The following NCOA1 variants were observed in gnomAD, a reference collection of about 807,000 sequenced individuals.
The protein encoded by NCOA1 is Hin-2 protein.
A neutral mutation model predicts 150.9 loss-of-function variants in NCOA1; 35 were observed. That is an observed-to-expected ratio of 0.23 (90% confidence interval 0.18 to 0.31). The LOEUF (loss-of-function observed/expected upper bound fraction) is 0.31, where lower values mean the gene tolerates loss of function less well. NCOA1 is among the 10% of genes least tolerant of loss of function. The pLI is 1.00. For missense variants in NCOA1, 1,491 were observed against 1,749.3 expected (o/e 0.85, Z 2.63); for synonymous variants, 590 against 630.0 (o/e 0.94, Z 0.95).
intron 3 of NCOA1, among the ~76,000 whole-genome samples, chr2:24,592,433 T>G (rs1318656772): frequency 6.6e-6 from 1 of 152,186 alleles, no homozygotes; most frequent in African/African-American, 2.4e-5. Context: ...CCTTCTGGGC[T>G]GAGAGATCAA....
Position 24,752,078 on chromosome 2 carries a change from T to C in NCOA1, c.3803T>C (p.Leu1268Pro). ...ATCCCTCCTCCTCAGAGTTCTCTTC[T>C]CCAGCAAACTCCACCTGCCTCCGGG... ...MPIPPPQSSL[L>P]QQTPPASGYQ... is the part of the protein sequence containing the mutation. Residue 1268 changes from leucine (L) to proline (P), a missense_variant, in exon 20 of 23, where the codon CTC (leucine) becomes CCC (proline). Transcript: ENST00000348332. 6.2e-7 allele frequency: 1 copy of C among 1,614,136 alleles called. No homozygotes were observed. The highest frequency in any genetic ancestry group is 2.2e-5 in the East Asian group (1 of 44,884).
Position 24,726,714 on chromosome 2 carries a change from A to G in NCOA1, c.2717+8A>G. 1.3e-6 allele frequency: 2 copies of G among 1,558,720 alleles called. No homozygotes were observed. Among genetic ancestry groups the G allele is most frequent in the Admixed American group, 1.8e-5 (1 of 55,248 alleles). ...TCAGAGTAAATCAGAAGAGTAAGTA[A>G]TACATTTTGTATTTTATAAGGTATC... is the stretch of plus-strand genomic sequence containing the variant. On this transcript the variant is annotated splice_region_variant and intron_variant, in intron 15 of 22. Coordinates refer to ENST00000348332, the MANE Select transcript of NCOA1 (RefSeq NM_003743.5).
At chr2:24,745,092 A>G (rs1663826638) in intron 19 of NCOA1, among the ~76,000 whole-genome samples, 1 of 152,132 alleles carries the variant, frequency 6.6e-6, no homozygotes, top group South Asian at 2.1e-4. Flanking sequence ...ACTTTTCTAG[A>G]CTACCATGCT....
rs143265792 is a variant in NCOA1, at chr2:24,578,812, A to G, written c.-259-5664A>G. ...AGTAAATAAAGAATAAAAAAAAGCT[A>G]TATTAGAGCTGCATTCACAATACTA... On this transcript the variant is annotated intron_variant, in intron 2 of 22. Coordinates refer to ENST00000348332, the MANE Select transcript of NCOA1 (RefSeq NM_003743.5). Among the ~76,000 whole-genome samples, 25 of 152,338 alleles carry G rather than the reference A, an allele frequency of 1.6e-4. No homozygotes were observed. The East Asian group carries it at 4.6e-3, about 28-fold the overall frequency.
intron 7 of NCOA1, among the ~76,000 whole-genome samples, chr2:24,680,016 T>C (rs1319345227): frequency 6.6e-6 from 1 of 152,208 alleles, no homozygotes; most frequent in Non-Finnish European, 1.5e-5. Flanking sequence ...TTCATTTATT[T>C]TAATATTTGG....
At chr2:24,716,623 T>G (rs191108162) in intron 14 of NCOA1, among the ~76,000 whole-genome samples, 1 of 152,302 alleles carries the variant, frequency 6.6e-6, no homozygotes, top group East Asian at 1.9e-4. Context: ...AAAAAGTCAT[T>G]GAGATAGACA....
intron 11 of NCOA1, among the ~76,000 whole-genome samples, chr2:24,699,136 C>G (rs1372395801): frequency 6.6e-6 from 1 of 152,170 alleles, no homozygotes; most frequent in African/African-American, 2.4e-5. Flanking sequence ...TTTCCTCTGG[C>G]AAGGGTGATG....
intron 3 of NCOA1, among the ~76,000 whole-genome samples, chr2:24,625,878 A>G (rs1426504641): frequency 6.6e-6 from 1 of 152,004 alleles, no homozygotes; most frequent in Non-Finnish European, 1.5e-5. Flanking sequence ...CAAACAGCAC[A>G]CTCTGAGAAG....
Position 24,707,483 on chromosome 2 carries a change from T to G in NCOA1, c.2013T>G (p.Ser671=). 1.2e-6 allele frequency: 2 copies of G among 1,614,198 alleles called. No homozygotes were observed. The highest frequency in any genetic ancestry group is 1.7e-6 in the Non-Finnish European group (2 of 1,180,030). ...TGTSNSASAN[S]SGGSCPSSHS... The stretch of plus-strand genomic sequence containing the variant: ...CTTCCAACTCTGCCTCTGCTAACTC[T>G]TCAGGAGGTTCTTGTCCCTCTTCTC... The change falls in exon 13 of 23, where the codon TCT becomes TCG. Residue 671 remains serine, a synonymous_variant. Coordinates refer to ENST00000348332, the MANE Select transcript of NCOA1 (RefSeq NM_003743.5).
intron 19 of NCOA1, among the ~76,000 whole-genome samples, chr2:24,744,759 G>A (rs1358344662): frequency 6.6e-6 from 1 of 152,094 alleles, no homozygotes; most frequent in East Asian, 1.9e-4. Flanking sequence ...CAGTTGTTTT[G>A]GTAAATAAAG....
At chr2:24,647,458 G>A (rs1348368959) in intron 4 of NCOA1, among the ~76,000 whole-genome samples, 1 of 152,020 alleles carries the variant, frequency 6.6e-6, no homozygotes, top group Admixed American at 6.6e-5. Context: ...GGTTTATGAG[G>A]GAATTAATTA....
intron 13 of NCOA1, among the ~76,000 whole-genome samples, chr2:24,709,216 T>C (rs1215448110): frequency 6.6e-6 from 1 of 152,212 alleles, no homozygotes; most frequent in Non-Finnish European, 1.5e-5. Flanking sequence ...TGCATCTGTT[T>C]TGTGCACATG....
chr2:24,605,194 G>A (rs1187770016), intron 3 of NCOA1, among the ~76,000 whole-genome samples: 2 of 152,096 alleles, frequency 1.3e-5, no homozygotes, highest in Admixed American at 1.3e-4. Context: ...ATATTGTGAG[G>A]TTTTCCAAAA....
In NCOA1 at chr2:24,639,860, C is replaced by T. The variant is rs142954041; in HGVS notation, c.-174-4106C>T. ...CAGAGATCGTGCTATTGCACTCCAG[C>T]CCGGGCGACAGTGCGAGACTCTGTC... On this transcript the variant is annotated intron_variant, in intron 3 of 22. Transcript: ENST00000348332. 2.9e-4 allele frequency among the ~76,000 whole-genome samples: 41 copies of T among 141,900 alleles called. 2 individuals carry two copies. In the East Asian group the frequency reaches 8.2e-3, roughly 29 times the overall value. The allele number at this position is 141,900 out of a possible 152,430, so 93.1% of individuals were successfully genotyped here.
intron 4 of NCOA1, among the ~76,000 whole-genome samples, chr2:24,645,407 G>C (rs1296732054): frequency 1.3e-5 from 2 of 151,432 alleles, no homozygotes; most frequent in African/African-American, 4.9e-5. Flanking sequence ...GGAGGCTGAG[G>C]CAGGAGAATG....
chr2:24,709,358 T>C (rs900527428), intron 13 of NCOA1, among the ~76,000 whole-genome samples: 1 of 152,228 alleles, frequency 6.6e-6, no homozygotes, highest in Non-Finnish European at 1.5e-5. Context: ...TCCAAGTCCT[T>C]GTTAATACAT....
chr2:24,589,144 CCAAGACCCT>C (rs1196473507), intron 3 of NCOA1, among the ~76,000 whole-genome samples: 1 of 152,204 alleles, frequency 6.6e-6, no homozygotes, highest in Non-Finnish European at 1.5e-5. Context: ...TGGAAGCACA[CCAAGACCCT>C]CAATCTATCT....
chr2:24,744,462 G>A (rs1663784853), intron 19 of NCOA1, among the ~76,000 whole-genome samples: 1 of 152,180 alleles, frequency 6.6e-6, no homozygotes, highest in African/African-American at 2.4e-5. Flanking sequence ...AAGATGCAAT[G>A]TTTTTAATTT....
chr2:24,663,874 C>T (rs562553515), intron 5 of NCOA1, among the ~76,000 whole-genome samples: 1 of 152,178 alleles, frequency 6.6e-6, no homozygotes, highest in Non-Finnish European at 1.5e-5. Context: ...TTTTTCTTTT[C>T]CTCTATACTG....
Sources: allele counts gnomAD v4.1 joint callset (sites outside exome capture counted in the v4.1 genomes callset), GRCh38; gene constraint gnomAD v4.1.1; transcripts MANE v1.5; gene names NCBI Gene and HGNC (gene_info 2026-07-23, HGNC 2026-07-21).